LHCGR: variants seen among roughly 807,000 people sequenced by gnomAD.
The protein encoded by LHCGR is luteinizing hormone/choriogonadotropin receptor.
A neutral mutation model predicts 60.7 loss-of-function variants in LHCGR; 55 were observed. The ratio of observed to expected loss-of-function variants is 0.91; its 90% CI spans 0.73 to 1.13. LHCGR has a LOEUF of 1.13. Among genes scored for constraint, LHCGR ranks in the 50% most tolerant of loss-of-function variants. The pLI, the probability that LHCGR is intolerant of heterozygous loss-of-function variation, is 0.00. For missense variants in LHCGR, 862 were observed against 836.0 expected (o/e 1.03, Z -0.38); for synonymous variants, 337 against 316.5 (o/e 1.06, Z -0.69).
rs1386671815 is a variant in LHCGR at position 48,700,337 on chromosome 2, G to T, written c.681-1537C>A. On this transcript the variant is annotated intron_variant, in intron 8 of 10. Coordinates refer to ENST00000294954, the MANE Select transcript of LHCGR (RefSeq NM_000233.4). ...TTCAGTCTTAGTAACAGACTAGTGGGAGAAATGCTTTTTGAGTAAGGGTGG... is the reference window on the plus strand; with the variant it reads ...TTCAGTCTTAGTAACAGACTAGTGGTAGAAATGCTTTTTGAGTAAGGGTGG... Among the ~76,000 whole-genome samples, 4 of 152,154 alleles carry T rather than the reference G, an allele frequency of 2.6e-5. No homozygotes were observed. The East Asian group carries it at 7.7e-4, about 29-fold the overall frequency.
chr2:48,709,104 A>T, intron 7 of LHCGR, 82 bp from the exon 8 acceptor site: 1 of 1,047,176 alleles, frequency 9.5e-7, no homozygotes, highest in Non-Finnish European at 1.5e-6. Context: ...TGTTTAGACC[A>T]AGCTATGTGC....
intron 6 of LHCGR, among the ~76,000 whole-genome samples, chr2:48,719,760 C>A (rs1668421250): frequency 6.6e-6 from 1 of 152,086 alleles, no homozygotes; most frequent in Non-Finnish European, 1.5e-5. Flanking sequence ...AGGGGGAGGG[C>A]AAGACAGGTT....
intron 3 of LHCGR, among the ~76,000 whole-genome samples, chr2:48,728,525 G>T (rs985877418): frequency 1.6e-4 from 25 of 152,156 alleles, no homozygotes; most frequent in Non-Finnish European, 3.7e-4. Context: ...GCACTAACTT[G>T]CGGTGTGATG....
intron 8 of LHCGR, among the ~76,000 whole-genome samples, chr2:48,706,559 C>T (rs1341932242): frequency 6.6e-6 from 1 of 152,152 alleles, no homozygotes; most frequent in East Asian, 1.9e-4. Context: ...TTAACATAGT[C>T]CCATATTTCT....
intron 9 of LHCGR, 84 bp downstream of exon 9, chr2:48,698,531 G>A: frequency 9.2e-7 from 1 of 1,086,770 alleles, no homozygotes; most frequent in Non-Finnish European, 1.4e-6. Context: ...GTGAAGGGGA[G>A]TGGAGCTGTC....
chr2:48,694,274 G>T lies in LHCGR; in HGVS notation c.897C>A (p.Asn299Lys). 1 of 1,601,378 alleles carries T rather than the reference G, an allele frequency of 6.2e-7. No individual in the cohort carries two copies. The highest frequency in any genetic ancestry group is 8.5e-7 in the Non-Finnish European group (1 of 1,170,398). Residue 299 changes from asparagine to lysine, a missense_variant, in exon 10 of 11, where the codon AAC becomes AAA. By Grantham distance (94) the Asn-to-Lys change is moderately conservative. Transcript: ENST00000294954. ...EQNFSHSISENFSKQCESTVR... is the reference protein window; with the variant it reads ...EQNFSHSISEKFSKQCESTVR... ...CTGTGCTTTCACATTGTTTGGAAAA[G>T]TTTTCAGAAATGGAATGTGAAAAAT...
rs764518058 is a variant in LHCGR, at chr2:48,709,987, G to A, written c.606-965C>T. ...ATGGTGGGAACAGTGTGCATCTACC[G>A]TTGATGTGATGATTTCAAGCGTGGG... On this transcript the variant is annotated intron_variant, in intron 7 of 10. Coordinates refer to ENST00000294954, the MANE Select transcript of LHCGR (RefSeq NM_000233.4). Among the ~76,000 whole-genome samples, 10 of 152,166 alleles carry A rather than the reference G, an allele frequency of 6.6e-5. No homozygotes were observed. In the East Asian group the frequency reaches 7.7e-4, roughly 12 times the overall value.
At chr2:48,722,990 A>G (rs963620116) in intron 6 of LHCGR, among the ~76,000 whole-genome samples, 1 of 152,210 alleles carries the variant, frequency 6.6e-6, no homozygotes, top group African/African-American at 2.4e-5. Flanking sequence ...TCAGAAGCAA[A>G]GTGAGAGGGA....
intron 3 of LHCGR, among the ~76,000 whole-genome samples, chr2:48,728,087 GTTT>G (rs10533413): frequency 0.15 from 22,694 of 148,780 alleles, 2,355 homozygotes; most frequent in East Asian, 0.42. Context: ...AACATTATGA[GTTT>G]TTTTTTTTTT....
chr2:48,702,769 T>A (rs573359460), intron 8 of LHCGR, among the ~76,000 whole-genome samples: 1 of 152,344 alleles, frequency 6.6e-6, no homozygotes, highest in Admixed American at 6.5e-5. Flanking sequence ...AATAGTACAA[T>A]CCTTTGGGTA....
At chr2:48,731,548 G>A (rs7562215) in intron 1 of LHCGR, among the ~76,000 whole-genome samples, 3 of 152,082 alleles carry the variant, frequency 2.0e-5, no homozygotes, top group African/African-American at 7.2e-5. Context: ...ATACCTGGAC[G>A]CAAATCTTCG....
At chr2:48,739,283 A>T (rs924689721) in intron 1 of LHCGR, among the ~76,000 whole-genome samples, 3 of 152,224 alleles carry the variant, frequency 2.0e-5, no homozygotes, top group Admixed American at 6.5e-5. Context: ...AACTAGAAAT[A>T]CCATTTGAGC....
chr2:48,707,130 T>A (rs575747880), intron 8 of LHCGR, among the ~76,000 whole-genome samples: 2 of 152,350 alleles, frequency 1.3e-5, no homozygotes, highest in South Asian at 2.1e-4. Context: ...TTTGTGAGTT[T>A]TCCTTCTAAC....
intron 1 of LHCGR, among the ~76,000 whole-genome samples, chr2:48,738,065 T>A (rs1466044369): frequency 2.6e-5 from 4 of 152,218 alleles, no homozygotes; most frequent in African/African-American, 4.8e-5. Context: ...CCTCTGCTTT[T>A]TGTGTGTGAA....
chr2:48,732,471 T>C (rs912233985), intron 1 of LHCGR, among the ~76,000 whole-genome samples: 10 of 152,158 alleles, frequency 6.6e-5, no homozygotes, highest in Non-Finnish European at 1.5e-4. Flanking sequence ...ACTATGTGAG[T>C]TATACACACC....
At position 48,734,256 on chromosome 2, in the gene LHCGR, C is replaced by T. The variant is rs116103108; in HGVS notation, c.162-2958G>A. ...TGGAACTGAGAGAAACAAGAAATTA[C>T]GGAGATATAATATACTGTTTGCAGA... is the stretch of plus-strand genomic sequence containing the variant. On this transcript the variant is annotated intron_variant, in intron 1 of 10. Transcript: ENST00000294954. Among the ~76,000 whole-genome samples, 1,388 of 152,204 alleles carry T rather than the reference C, an allele frequency of 9.1e-3. 24 individuals are homozygous for T. The highest frequency in any genetic ancestry group is 0.031 in the African/African-American group (1,307 of 41,524).
At chr2:48,693,078 T>G (rs1445737871) in intron 10 of LHCGR, among the ~76,000 whole-genome samples, 1 of 152,194 alleles carries the variant, frequency 6.6e-6, no homozygotes, top group Non-Finnish European at 1.5e-5. Context: ...CCATAAATGT[T>G]TTCTTGATGA....
At chr2:48,732,871 G>T (rs1252943782) in intron 1 of LHCGR, 1 of 534,368 alleles carries the variant, frequency 1.9e-6, no homozygotes, top group Non-Finnish European at 3.8e-6. Context: ...TCCAACTTTG[G>T]TCTCTGATTC....
intron 6 of LHCGR, among the ~76,000 whole-genome samples, chr2:48,722,877 C>G (rs1668563114): frequency 6.6e-6 from 1 of 151,994 alleles, no homozygotes; most frequent in African/African-American, 2.4e-5. Flanking sequence ...TTAGGAAACA[C>G]CATGAAAGGG....
Sources: gnomAD v4.1 joint callset for allele counts (sites outside exome capture counted in the v4.1 genomes callset) on GRCh38, gnomAD v4.1.1 for gene constraint, MANE v1.5 for transcripts, NCBI Gene and HGNC (gene_info 2026-07-23, HGNC 2026-07-21) for gene names.